The following PSMD11 variants were observed in gnomAD, a reference collection of about 807,000 sequenced individuals.
PSMD11 encodes 26S proteasome non-ATPase regulatory subunit 11.
In PSMD11, 5 loss-of-function variants were observed where a neutral mutation model predicts 62.3. That is an observed-to-expected ratio of 0.08 (90% CI 0.04 to 0.17). The LOEUF is 0.17. PSMD11 is among the 10% of genes least tolerant of loss of function. PSMD11 has a pLI of 1.00. For synonymous variants in PSMD11, 191 were observed against 191.8 expected, an observed-to-expected ratio of 1.00 and a Z score of 0.03; for missense variants, 310 against 512.9, an observed-to-expected ratio of 0.60 and a Z score of 3.82.
At position 32,480,541 on chromosome 17, in the gene PSMD11, A is replaced by G; in HGVS notation, c.1179A>G (p.Val393=). Residue 393 remains valine, a synonymous_variant, in exon 13 of 14, where the codon GTA becomes GTG. Coordinates refer to ENST00000261712, the MANE Select transcript of PSMD11 (RefSeq NM_002815.4). ...TGATTATTTTCGATGAACCCCCAGTAGATAAAACTTACGAAGCTGCTCTGG... is the reference window on the plus strand; with the variant it reads ...TGATTATTTTCGATGAACCCCCAGTGGATAAAACTTACGAAGCTGCTCTGG... The part of the protein sequence containing the change: ...GVLIIFDEPP[V]DKTYEAALET... 6.2e-7 allele frequency: 1 copy of G among 1,614,120 alleles called. No homozygotes were observed. The highest frequency in any genetic ancestry group is 2.2e-5 in the East Asian group (1 of 44,886).
intron 6 of PSMD11, among the ~76,000 whole-genome samples, chr17:32,470,128 T>G (rs569242204): frequency 6.6e-6 from 1 of 151,900 alleles, no homozygotes; most frequent in Non-Finnish European, 1.5e-5. Flanking sequence ...TCCTCCTATC[T>G]CAGTCTCTTG....
At chr17:32,480,454 A>T in intron 12 of PSMD11, 35 bp from the exon 13 acceptor site, 2 of 1,613,544 alleles carry the variant, frequency 1.2e-6, no homozygotes, top group Non-Finnish European at 1.7e-6. Context: ...GTCTAACCTC[A>T]TCTTTTACCT....
At chr17:32,476,458 A>G (rs1257024406) in intron 8 of PSMD11, among the ~76,000 whole-genome samples, 2 of 152,176 alleles carry the variant, frequency 1.3e-5, no homozygotes, top group Non-Finnish European at 2.9e-5. Context: ...CTATAGGACA[A>G]ATGCTGGAGA....
chr17:32,462,388 A>G (rs1907869147), intron 3 of PSMD11, among the ~76,000 whole-genome samples: 1 of 152,208 alleles, frequency 6.6e-6, no homozygotes, highest in Non-Finnish European at 1.5e-5. Flanking sequence ...TTTTCAGAAT[A>G]TAACTCAAAA....
rs1907352948 is a variant in PSMD11, at chr17:32,447,033, T to A, written c.180T>A (p.Thr60=). 1 of 1,607,486 alleles carries A rather than the reference T, an allele frequency of 6.2e-7. No individual in the cohort carries two copies. Among genetic ancestry groups the A allele is most frequent in the African/African-American group, 1.3e-5 (1 of 74,610 alleles). Residue 60 remains threonine, a synonymous_variant, in exon 2 of 14, where the codon ACT becomes ACA. Coordinates refer to ENST00000261712, the MANE Select transcript of PSMD11 (RefSeq NM_002815.4). The part of the protein sequence containing the change: ...ILELGSLLAK[T]GQAAELGGLL... ...AACTGGGATCTCTCCTGGCAAAGAC[T>A]GGACAAGCTGCAGGTAAGTGCTACA... is the stretch of plus-strand genomic sequence containing the variant.
chr17:32,480,351 GT>G, intron 12 of PSMD11, 137 bp from the exon 13 acceptor site: 1 of 1,445,496 alleles, frequency 6.9e-7, no homozygotes, highest in East Asian at 2.3e-5. Context: ...TAATAAGCAT[GT>G]GTACATGGAA....
chr17:32,451,490 T>C (rs984429077), intron 2 of PSMD11, among the ~76,000 whole-genome samples: 2 of 152,170 alleles, frequency 1.3e-5, no homozygotes, highest in Non-Finnish European at 2.9e-5. Context: ...AGAAAAATCA[T>C]GGAGAGGTAT....
At chr17:32,450,337 T>G in intron 2 of PSMD11, among the ~76,000 whole-genome samples, 1 of 150,824 alleles carries the variant, frequency 6.6e-6, no homozygotes, top group African/African-American at 2.4e-5. Context: ...TCACTGCAAC[T>G]TCTGCCTCCT....
At chr17:32,459,116 ATATATATATATATATAT>A in intron 3 of PSMD11, among the ~76,000 whole-genome samples, 1 of 4,736 alleles carries the variant, frequency 2.1e-4, no homozygotes, top group East Asian at 0.056. Context: ...AAAAAAATAC[ATATATATATATATATAT>A]ATATATGTAT....
intron 3 of PSMD11, among the ~76,000 whole-genome samples, chr17:32,459,371 A>C (rs1443467285): frequency 6.6e-6 from 1 of 151,670 alleles, no homozygotes; most frequent in Non-Finnish European, 1.5e-5. Flanking sequence ...GGTACACACC[A>C]CGACGCCTGG....
intron 6 of PSMD11, among the ~76,000 whole-genome samples, chr17:32,471,679 A>G (rs1320147454): frequency 6.6e-6 from 1 of 152,212 alleles, no homozygotes; most frequent in Non-Finnish European, 1.5e-5. Context: ...TCCAAAAGAT[A>G]GCAGGACTGG....
chr17:32,444,552 A>C lies in PSMD11; in HGVS notation c.29A>C (p.Gln10Pro). The stretch of plus-strand genomic sequence containing the variant: ...GCGGCGGCGGCGGTGGTGGAGTTCC[A>C]GAGAGCCCAGTCTCTACTCAGCACC... The part of the protein sequence containing the change: MAAAAVVEF[Q>P]RAQSLLSTDR... Residue 10 changes from glutamine (Q) to proline (P), a missense_variant, in exon 1 of 14, where the codon CAG becomes CCG. Coordinates refer to ENST00000261712, the MANE Select transcript of PSMD11 (RefSeq NM_002815.4). 6.2e-7 allele frequency: 1 copy of C among 1,610,530 alleles called. No individual in the cohort carries two copies. Among genetic ancestry groups the C allele is most frequent in the East Asian group, 2.2e-5 (1 of 44,634 alleles).
rs114429844 is a variant in PSMD11 at position 32,480,328 on chromosome 17, T to C, written c.1126+131T>C. ...CTGGGGTCCTGGCCCCTCTTCCCTG[T>C]GATGAGAATGTGTAATAAGCATGTG... is the stretch of plus-strand genomic sequence containing the variant. On this transcript the variant is annotated intron_variant, in intron 12 of 13. Coordinates refer to ENST00000261712, the MANE Select transcript of PSMD11 (RefSeq NM_002815.4). The C allele has an allele frequency of 1.8e-3, 2,666 of 1,449,702 alleles. 32 individuals are homozygous for C. In the African/African-American group the frequency reaches 0.03, roughly 17 times the overall value. The allele number at this position is 1,449,702 out of a possible 1,614,324, so 89.8% of individuals were successfully genotyped here. A position where few individuals can be genotyped will look rare whatever the true frequency, so the allele number is the denominator to read the frequency against.
intron 5 of PSMD11, among the ~76,000 whole-genome samples, chr17:32,466,996 G>T (rs1294081822): frequency 6.6e-6 from 1 of 152,108 alleles, no homozygotes; most frequent in Non-Finnish European, 1.5e-5. Context: ...CCAGGCTGGA[G>T]TGCAGTGGCG....
intron 5 of PSMD11, 39 bp downstream of exon 5, chr17:32,464,617 T>A: frequency 6.6e-7 from 1 of 1,521,846 alleles, no homozygotes; most frequent in Non-Finnish European, 9.0e-7. Flanking sequence ...GCTAGCTAAA[T>A]GAATGTATTC....
intron 9 of PSMD11, 76 bp downstream of exon 9, chr17:32,477,659 A>C: frequency 7.6e-7 from 1 of 1,323,930 alleles, no homozygotes; most frequent in Non-Finnish European, 1.1e-6. Flanking sequence ...CACACTTTTA[A>C]AAATAATTAT....
At chr17:32,469,224 T>C in intron 6 of PSMD11, 31 bp downstream of exon 6, 3 of 1,593,428 alleles carry the variant, frequency 1.9e-6, no homozygotes, top group Non-Finnish European at 2.6e-6. Flanking sequence ...TGGGATGTGT[T>C]TTCTTAAAGC....
At chr17:32,472,842 CT>C (rs74197607) in intron 6 of PSMD11, among the ~76,000 whole-genome samples, 25,259 of 124,948 alleles carry the variant, frequency 0.2, 2,514 homozygotes, top group African/African-American at 0.29. Context: ...CGGCCTTTTT[CT>C]TTTTTTTTTT....
chr17:32,451,206 A>G (rs549835872), intron 2 of PSMD11, among the ~76,000 whole-genome samples: 14 of 152,252 alleles, frequency 9.2e-5, no homozygotes, highest in Admixed American at 3.3e-4. Flanking sequence ...GAAGGATAAC[A>G]CTCAGTGCTT....
Sources: allele counts gnomAD v4.1 joint callset (sites outside exome capture counted in the v4.1 genomes callset), GRCh38; gene constraint gnomAD v4.1.1; transcripts MANE v1.5; gene names NCBI Gene and HGNC (gene_info 2026-07-23, HGNC 2026-07-21).